The following COPG2 variants were observed in gnomAD, a reference collection of about 807,000 sequenced individuals.
COPG2 encodes coatomer subunit gamma-2.
Under a neutral mutation model 46.3 loss-of-function variants are expected in COPG2, and 37 were observed. That is an observed-to-expected ratio of 0.80 (90% confidence interval 0.61 to 1.05). COPG2 has a LOEUF of 1.05. COPG2 is among the 50% of genes least tolerant of loss of function. The probability of loss-of-function intolerance (pLI) is 0.00; values close to 1 mark genes in which losing one functional copy is unlikely to be tolerated. For synonymous variants in COPG2, 159 were observed against 129.7 expected, an observed-to-expected ratio of 1.23 and a Z score of -1.53; for missense variants, 427 against 387.8, an observed-to-expected ratio of 1.10 and a Z score of -0.85.
intron 9 of COPG2, among the ~76,000 whole-genome samples, chr7:130,569,528 C>A (rs1167536120): frequency 5.9e-5 from 9 of 151,890 alleles, no homozygotes; most frequent in African/African-American, 1.9e-4. Context: ...AAACTCTGAA[C>A]AGACCAATAA....
intron 10 of COPG2, among the ~76,000 whole-genome samples, 183 bp downstream of exon 10, chr7:130,564,077 A>G (rs896210135): frequency 2.6e-5 from 4 of 152,202 alleles, no homozygotes; most frequent in Non-Finnish European, 5.9e-5. Context: ...GAAACATTAA[A>G]AAAAGTAATA....
intron 1 of COPG2, among the ~76,000 whole-genome samples, chr7:130,667,818 C>G (rs890140606): frequency 6.9e-6 from 1 of 144,208 alleles, no homozygotes; most frequent in Non-Finnish European, 1.5e-5. Context: ...GTCATTTCCA[C>G]AACAACGAAG....
At chr7:130,662,908 C>A in intron 4 of COPG2, 59 bp downstream of exon 4, 1 of 1,016,280 alleles carries the variant, frequency 9.8e-7, no homozygotes, top group Non-Finnish European at 1.5e-6. Context: ...CTCTTAGTTC[C>A]CTGGGGAAAA....
chr7:130,588,954 T>TAC (rs1794344905), intron 9 of COPG2, among the ~76,000 whole-genome samples: 2 of 152,182 alleles, frequency 1.3e-5, no homozygotes, highest in Non-Finnish European at 2.9e-5. Context: ...CACACACATA[T>TAC]ACACACAAGG....
chr7:130,594,346 T>C (rs782731355), intron 9 of COPG2, among the ~76,000 whole-genome samples: 3 of 152,148 alleles, frequency 2.0e-5, no homozygotes, highest in Non-Finnish European at 2.9e-5. Context: ...TCCCACAGCA[T>C]ACACAAAAAT....
intron 5 of COPG2, 57 bp downstream of exon 5, chr7:130,652,812 A>G (rs1355217643): frequency 1.2e-5 from 13 of 1,111,686 alleles, no homozygotes; most frequent in Non-Finnish European, 1.6e-5. Context: ...TGAAATCAAC[A>G]GAAAGCAAAC....
chr7:130,568,640 C>T (rs1006263237), intron 9 of COPG2, among the ~76,000 whole-genome samples: 11 of 150,464 alleles, frequency 7.3e-5, no homozygotes, highest in East Asian at 1.9e-4. Context: ...ACTGACAGCA[C>T]GAGACAGGTC....
chr7:130,587,906 C>CTAA (rs1188684547), intron 9 of COPG2, among the ~76,000 whole-genome samples: 15 of 151,724 alleles, frequency 9.9e-5, no homozygotes, highest in African/African-American at 3.6e-4. Flanking sequence ...TGACAAAGGG[C>CTAA]TAATATCCAG....
intron 9 of COPG2, among the ~76,000 whole-genome samples, chr7:130,577,420 A>T (rs941123780): frequency 1.3e-5 from 2 of 152,182 alleles, no homozygotes; most frequent in Admixed American, 6.5e-5. Context: ...ACGCACCTGG[A>T]AAATCGGGTC....
intron 5 of COPG2, among the ~76,000 whole-genome samples, chr7:130,650,555 G>GT (rs1262261529): frequency 1.3e-5 from 2 of 152,062 alleles, no homozygotes; most frequent in Non-Finnish European, 2.9e-5. Flanking sequence ...TCATTTGTTT[G>GT]TTTTTTTACT....
rs781859751 is a variant in COPG2 at position 130,601,384 on chromosome 7, T to C, written c.737+9569A>G. On this transcript the variant is annotated intron_variant, in intron 9 of 23. Coordinates refer to ENST00000425248, the MANE Select transcript of COPG2 (RefSeq NM_012133.6). The stretch of plus-strand genomic sequence containing the variant: ...CACACGTATGTTTATTGTGGCACTA[T>C]TCACAATAGCAAAGACTTGGAACCA... Among the ~76,000 whole-genome samples, 7 of 152,184 alleles carry C rather than the reference T, an allele frequency of 4.6e-5. No individual in the cohort carries two copies. The East Asian group carries it at 1.2e-3, about 25-fold the overall frequency.
intron 5 of COPG2, among the ~76,000 whole-genome samples, chr7:130,621,936 T>A: frequency 1.0e-5 from 1 of 96,176 alleles, no homozygotes. Flanking sequence ...AGAGCGAGAC[T>A]CCATCTCAAA....
chr7:130,554,183 AAT>A (rs1288414153), intron 14 of COPG2, among the ~76,000 whole-genome samples: 1 of 152,018 alleles, frequency 6.6e-6, no homozygotes, highest in African/African-American at 2.4e-5. Flanking sequence ...GTCGCTTAAA[AAT>A]ATATATATAG....
At chr7:130,524,830 G>T (rs1038646699) in intron 20 of COPG2, among the ~76,000 whole-genome samples, 1,671 of 152,248 alleles carry the variant, frequency 0.011, 32 homozygotes, top group African/African-American at 0.039. Context: ...GATGATGAAA[G>T]GTCAGGTGGA....
chr7:130,545,475 A>T (rs1345938268), intron 20 of COPG2, among the ~76,000 whole-genome samples: 6 of 152,160 alleles, frequency 3.9e-5, no homozygotes, highest in African/African-American at 1.2e-4. Flanking sequence ...TGATGGGAAA[A>T]TGCAAAAAGG....
intron 9 of COPG2, among the ~76,000 whole-genome samples, chr7:130,608,726 G>A (rs1254395545): frequency 3.3e-5 from 5 of 151,772 alleles, no homozygotes; most frequent in African/African-American, 1.2e-4. Context: ...TTTAAAAAAA[G>A]GCGACTTTCA....
intron 20 of COPG2, among the ~76,000 whole-genome samples, chr7:130,519,469 G>C (rs1799707938): frequency 6.6e-6 from 1 of 152,206 alleles, no homozygotes; most frequent in Non-Finnish European, 1.5e-5. Context: ...TGGTTGAATA[G>C]TGCTGAATAT....
chr7:130,520,576 A>G lies in COPG2; in HGVS notation c.2150-11917T>C, dbSNP rs1014711410. ...GTGAGTTAGCATTCTTGTGCTAACA[A>G]AAACTTTTAGCTTGCACCCAAGCCT... is the stretch of plus-strand genomic sequence containing the variant. On this transcript the variant is annotated intron_variant, in intron 20 of 23. Coordinates refer to ENST00000425248, the MANE Select transcript of COPG2 (RefSeq NM_012133.6). Among the ~76,000 whole-genome samples the G allele has an allele frequency of 2.9e-3, 438 of 152,342 alleles. 2 individuals are homozygous for G. Among genetic ancestry groups the G allele is most frequent in the African/African-American group, 0.01 (417 of 41,572 alleles).
chr7:130,542,699 G>A (rs992631106), intron 20 of COPG2, among the ~76,000 whole-genome samples: 3 of 152,190 alleles, frequency 2.0e-5, no homozygotes, highest in Non-Finnish European at 4.4e-5. Context: ...TGGAATGAGA[G>A]AGTCTGGCAG....
Sources: allele counts gnomAD v4.1 joint callset (sites outside exome capture counted in the v4.1 genomes callset), GRCh38; gene constraint gnomAD v4.1.1; transcripts MANE v1.5; gene names NCBI Gene and HGNC (gene_info 2026-07-23, HGNC 2026-07-21).